The following MPP7 variants were observed in gnomAD, a reference collection of about 807,000 sequenced individuals.
The protein encoded by MPP7 is MAGUK p55 subfamily member 7.
In MPP7, 60 loss-of-function variants were observed where a neutral mutation model predicts 76.5. The observed-to-expected ratio is 0.78, with a 90% CI of 0.64 to 0.97. MPP7 has a LOEUF of 0.97. Among genes scored for constraint, MPP7 ranks in the 50% least tolerant of loss-of-function variants. The pLI, the probability that MPP7 is intolerant of heterozygous loss-of-function variation, is 0.00. For missense variants in MPP7, 641 were observed against 694.0 expected (o/e 0.92, Z 0.86); for synonymous variants, 237 against 244.5 (o/e 0.97, Z 0.29).
At chr10:28,228,177 T>C (rs1052674587) in intron 2 of MPP7, among the ~76,000 whole-genome samples, 2 of 152,094 alleles carry the variant, frequency 1.3e-5, no homozygotes, top group East Asian at 1.9e-4. Context: ...AATATATGAA[T>C]TACCAAGAAG....
At chr10:28,270,661 T>G (rs1840300151) in intron 1 of MPP7, among the ~76,000 whole-genome samples, 1 of 152,100 alleles carries the variant, frequency 6.6e-6, no homozygotes, top group Non-Finnish European at 1.5e-5. Flanking sequence ...TCTATCCTCG[T>G]TTTCTTAAAC....
chr10:28,183,100 G>C (rs1041993516), intron 3 of MPP7, among the ~76,000 whole-genome samples: 2 of 152,022 alleles, frequency 1.3e-5, no homozygotes, highest in African/African-American at 2.4e-5. Flanking sequence ...CAAAAAAAGA[G>C]CAAGTTGAGG....
chr10:28,181,396 CTTTA>C (rs1195993011), intron 3 of MPP7, among the ~76,000 whole-genome samples: 12 of 152,148 alleles, frequency 7.9e-5, no homozygotes, highest in Non-Finnish European at 1.8e-4. Flanking sequence ...AAATATCTTT[CTTTA>C]TTAACTATCA....
chr10:28,100,131 A>C (rs2133506873), intron 11 of MPP7, among the ~76,000 whole-genome samples: 1 of 151,726 alleles, frequency 6.6e-6, no homozygotes, highest in Non-Finnish European at 1.5e-5. Flanking sequence ...TAAAAAAAAA[A>C]AAAACACGTA....
chr10:28,165,711 G>A (rs918647292), intron 3 of MPP7, among the ~76,000 whole-genome samples: 1 of 152,008 alleles, frequency 6.6e-6, no homozygotes, highest in African/African-American at 2.4e-5. Context: ...AGGCCAATTA[G>A]AATAAAAGTA....
At chr10:28,118,896 C>A (rs191274130) in intron 11 of MPP7, 1 of 985,190 alleles carries the variant, frequency 1.0e-6, no homozygotes, top group Non-Finnish European at 1.2e-6. Flanking sequence ...TTGGTCATTT[C>A]GCTGTTTAAT....
intron 3 of MPP7, among the ~76,000 whole-genome samples, chr10:28,177,424 G>A (rs1228864799): frequency 6.9e-6 from 1 of 144,960 alleles, no homozygotes; most frequent in African/African-American, 2.7e-5. Flanking sequence ...AAAAAAAAGA[G>A]TTCTTACTGA....
At position 28,177,303 on chromosome 10, in the gene MPP7, G is replaced by A. The variant is rs957421808; in HGVS notation, c.156+24850C>T. On this transcript the variant is annotated intron_variant, in intron 3 of 16. Transcript: ENST00000683449. Reference sequence around the variant, plus strand: ...AAAAAAATTAGCCAGGCATGGTGGCGCGGCTGAGGCAGGAGAATCACTTGA... The same window carrying A: ...AAAAAAATTAGCCAGGCATGGTGGCACGGCTGAGGCAGGAGAATCACTTGA... 3.3e-4 allele frequency among the ~76,000 whole-genome samples: 50 copies of A among 149,562 alleles called. 1 individual carries two copies. Among genetic ancestry groups the A allele is most frequent in the Non-Finnish European group, 6.5e-4 (44 of 67,618 alleles).
chr10:28,178,094 AC>A (rs2133895982), intron 3 of MPP7, among the ~76,000 whole-genome samples: 1 of 152,230 alleles, frequency 6.6e-6, no homozygotes, highest in East Asian at 1.9e-4. Flanking sequence ...AAGTTCTGGC[AC>A]TACTGACATT....
chr10:28,121,784 G>A (rs1310783721), intron 8 of MPP7, among the ~76,000 whole-genome samples: 3 of 151,326 alleles, frequency 2.0e-5, no homozygotes, highest in African/African-American at 2.4e-5. Context: ...TATCTGTGGT[G>A]CACTGGTAAA....
chr10:28,054,052 A>G lies in MPP7; in HGVS notation c.*13T>C. The G allele has an allele frequency of 6.2e-7, 1 of 1,601,260 alleles. No homozygotes were observed. The highest frequency in any genetic ancestry group is 8.5e-7 in the Non-Finnish European group (1 of 1,172,174). Reference sequence around the variant, plus strand: ...ACTCTATAGAAAAAGACAATTATGGAAATTTCTCTTAGTTATGAATGTAAC... The same window carrying G: ...ACTCTATAGAAAAAGACAATTATGGGAATTTCTCTTAGTTATGAATGTAAC... On this transcript the variant is annotated 3_prime_UTR_variant, in exon 17 of 17. Transcript: ENST00000683449.
intron 6 of MPP7, among the ~76,000 whole-genome samples, chr10:28,129,470 T>A (rs939362034): frequency 2.0e-5 from 3 of 151,876 alleles, no homozygotes. Context: ...TATCATGATT[T>A]CCTTAAACAA....
chr10:28,309,412 T>C lies in MPP7; in HGVS notation c.-132+20517A>G, dbSNP rs199763181. On this transcript the variant is annotated intron_variant, in intron 2 of 11. Coordinates refer to the MPP7 transcript ENST00000441595. Reference sequence around the variant, plus strand: ...CTGGGCAACAGAGTGAGACTCCATCTCAAAAAAAAAAAAAAATGCTACTCA... The same window carrying C: ...CTGGGCAACAGAGTGAGACTCCATCCCAAAAAAAAAAAAAAATGCTACTCA... 3.0e-3 allele frequency among the ~76,000 whole-genome samples: 284 copies of C among 93,228 alleles called. 1 individual carries two copies. Among genetic ancestry groups the C allele is most frequent in the African/African-American group, 0.013 (273 of 20,764 alleles). 61.2% of individuals were successfully genotyped at this position (93,228 alleles called of 152,430 possible). A position where few individuals can be genotyped will look rare whatever the true frequency, so the allele number is the denominator to read the frequency against.
At chr10:28,117,687 C>T (rs1834702279) in intron 11 of MPP7, among the ~76,000 whole-genome samples, 1 of 152,000 alleles carries the variant, frequency 6.6e-6, no homozygotes, top group South Asian at 2.1e-4. Context: ...TTATGCATAA[C>T]TTTTAACTTT....
intron 11 of MPP7, among the ~76,000 whole-genome samples, chr10:28,106,602 CT>C (rs1297392306): frequency 6.6e-6 from 1 of 152,114 alleles, no homozygotes. Context: ...CAATTATTTC[CT>C]TTTTCAGATA....
At chr10:28,212,821 G>GC (rs1838185436) in intron 2 of MPP7, among the ~76,000 whole-genome samples, 1 of 152,176 alleles carries the variant, frequency 6.6e-6, no homozygotes, top group African/African-American at 2.4e-5. Context: ...GTTGGATTTA[G>GC]CAATGCGCAG....
intron 1 of MPP7, among the ~76,000 whole-genome samples, chr10:28,301,270 T>C (rs1405601535): frequency 1.3e-5 from 2 of 152,148 alleles, no homozygotes; most frequent in African/African-American, 2.4e-5. Context: ...ATTATTTCTA[T>C]TCAATTCAAA....
At chr10:28,221,091 G>T (rs1005024161) in intron 2 of MPP7, among the ~76,000 whole-genome samples, 1 of 152,018 alleles carries the variant, frequency 6.6e-6, no homozygotes, top group Admixed American at 6.6e-5. Context: ...ACAAAAAGAC[G>T]AACCCTCATT....
chr10:28,240,486 A>G (rs1839231649), intron 1 of MPP7, among the ~76,000 whole-genome samples: 2 of 152,152 alleles, frequency 1.3e-5, no homozygotes, highest in African/African-American at 4.8e-5. Flanking sequence ...ATTTTCCTTT[A>G]TGTTATTGCA....
Sources: gnomAD v4.1 joint callset for allele counts (sites outside exome capture counted in the v4.1 genomes callset) on GRCh38, gnomAD v4.1.1 for gene constraint, MANE v1.5 for transcripts, NCBI Gene and HGNC (gene_info 2026-07-23, HGNC 2026-07-21) for gene names.